Variants in ACVR1 observed in about 807,000 individuals in gnomAD.
ACVR1 encodes activin A receptor type 1, also known as activin receptor type-1.
Under a neutral mutation model 57.1 loss-of-function variants are expected in ACVR1, and 38 were observed. The ratio of observed to expected loss-of-function variants is 0.67; its 90% confidence interval spans 0.51 to 0.87. ACVR1 has a LOEUF of 0.87. Ranked by LOEUF, ACVR1 falls within the 40% of genes least tolerant of loss-of-function variation. The pLI is 0.00. For synonymous variants in ACVR1, 212 were observed against 228.1 expected (o/e 0.93, Z 0.63); for missense variants, 463 against 638.2 (o/e 0.73, Z 2.96).
At chr2:157,820,991 C>A (rs150099317) in intron 1 of ACVR1, among the ~76,000 whole-genome samples, 68 of 152,234 alleles carry the variant, frequency 4.5e-4, no homozygotes, top group African/African-American at 1.6e-3. Context: ...AAACCATGGA[C>A]TGAAATCAAA....
chr2:157,808,760 C>A (rs980354849), intron 2 of ACVR1, among the ~76,000 whole-genome samples: 6 of 152,030 alleles, frequency 3.9e-5, no homozygotes, highest in African/African-American at 1.5e-4. Context: ...ATTTGGAAAG[C>A]CATGCTTCCA....
At chr2:157,853,166 A>G (rs10497193) in intron 1 of ACVR1, among the ~76,000 whole-genome samples, 36,573 of 152,142 alleles carry the variant, frequency 0.24, 5,549 homozygotes, top group African/African-American at 0.44. Context: ...ACAATTACCC[A>G]AAAAATAAAT....
intron 9 of ACVR1, among the ~76,000 whole-genome samples, chr2:157,741,239 A>T (rs559073675): frequency 6.6e-6 from 1 of 152,274 alleles, no homozygotes; most frequent in South Asian, 2.1e-4. Context: ...GCAAAACTAT[A>T]TTAGAAATTC....
chr2:157,844,586 A>G (rs1360516749), intron 1 of ACVR1, among the ~76,000 whole-genome samples: 1 of 152,194 alleles, frequency 6.6e-6, no homozygotes, highest in South Asian at 2.1e-4. Flanking sequence ...TTTACTTGAC[A>G]CTTTTCATTT....
intron 4 of ACVR1, among the ~76,000 whole-genome samples, chr2:157,778,889 A>C (rs1686400928): frequency 6.6e-6 from 1 of 152,206 alleles, no homozygotes; most frequent in Non-Finnish European, 1.5e-5. Flanking sequence ...CCCTGGGTTC[A>C]GACCTCTCCA....
chr2:157,760,724 C>T (rs985840034), intron 9 of ACVR1, among the ~76,000 whole-genome samples, 156 bp downstream of exon 9: 8 of 152,180 alleles, frequency 5.3e-5, no homozygotes, highest in African/African-American at 1.9e-4. Context: ...CCATTACACT[C>T]CATCTACCAG....
chr2:157,773,554 T>C (rs1686151403), intron 6 of ACVR1, among the ~76,000 whole-genome samples: 2 of 152,250 alleles, frequency 1.3e-5, no homozygotes, highest in Non-Finnish European at 2.9e-5. Flanking sequence ...TGATTATGTC[T>C]ACATACAAAT....
intron 1 of ACVR1, among the ~76,000 whole-genome samples, chr2:157,868,730 C>T (rs989435582): frequency 6.6e-6 from 1 of 152,152 alleles, no homozygotes. Context: ...ATTCAGAGTT[C>T]TGCCACTAAT....
intron 9 of ACVR1, among the ~76,000 whole-genome samples, chr2:157,742,635 G>C (rs910936491): frequency 6.6e-6 from 1 of 152,032 alleles, no homozygotes; most frequent in Non-Finnish European, 1.5e-5. Context: ...ATATGGCTCT[G>C]AGTAAACCCC....
At chr2:157,805,896 T>G (rs894889020) in intron 2 of ACVR1, among the ~76,000 whole-genome samples, 1 of 144,152 alleles carries the variant, frequency 6.9e-6, no homozygotes, top group South Asian at 2.3e-4. Context: ...TAACCTCAGC[T>G]TACTGCAGCC....
chr2:157,837,691 C>T (rs1054503310), intron 1 of ACVR1, among the ~76,000 whole-genome samples: 3 of 152,110 alleles, frequency 2.0e-5, no homozygotes, highest in Non-Finnish European at 4.4e-5. Flanking sequence ...AACTACCAGC[C>T]AACTTCATTC....
intron 1 of ACVR1, among the ~76,000 whole-genome samples, chr2:157,853,463 G>A (rs184808996): frequency 6.6e-6 from 1 of 152,234 alleles, no homozygotes; most frequent in African/African-American, 2.4e-5. Context: ...ACCTCCCAAA[G>A]ACCTCATCTC....
At chr2:157,748,322 ACTTCCT>A (rs1685049599) in intron 9 of ACVR1, among the ~76,000 whole-genome samples, 1 of 152,164 alleles carries the variant, frequency 6.6e-6, no homozygotes, top group Non-Finnish European at 1.5e-5. Context: ...TGGAATGCCA[ACTTCCT>A]CTTCATTTGG....
At chr2:157,774,860 T>C (rs73022060) in intron 5 of ACVR1, among the ~76,000 whole-genome samples, 7,975 of 151,620 alleles carry the variant, frequency 0.053, 694 homozygotes, top group African/African-American at 0.18. Context: ...AGGAAAGCAG[T>C]AGAGAGAATA....
intron 1 of ACVR1, among the ~76,000 whole-genome samples, chr2:157,851,894 CA>C (rs879555943): frequency 0.53 from 20,463 of 38,524 alleles, 3,417 homozygotes; most frequent in East Asian, 0.62. Flanking sequence ...CACACACACA[CA>C]CACACACACA....
intron 3 of ACVR1, among the ~76,000 whole-genome samples, chr2:157,791,955 T>C (rs1686931659): frequency 1.3e-5 from 2 of 152,216 alleles, no homozygotes; most frequent in Non-Finnish European, 2.9e-5. Flanking sequence ...TTGGTAATTT[T>C]TTTTCTACCC....
chr2:157,758,206 T>G (rs1465597147), intron 9 of ACVR1, among the ~76,000 whole-genome samples: 1 of 151,910 alleles, frequency 6.6e-6, no homozygotes, highest in Non-Finnish European at 1.5e-5. Context: ...AAAACAGACA[T>G]TAAGCCAAAA....
chr2:157,740,723 A>G (rs1684721305), intron 9 of ACVR1, among the ~76,000 whole-genome samples: 1 of 152,228 alleles, frequency 6.6e-6, no homozygotes, highest in Non-Finnish European at 1.5e-5. Flanking sequence ...AAAACATGAG[A>G]TCTGGTGATA....
At chr2:157,854,199 TA>T (rs398060692) in intron 1 of ACVR1, among the ~76,000 whole-genome samples, 9,152 of 118,400 alleles carry the variant, frequency 0.077, 707 homozygotes, top group African/African-American at 0.22. Flanking sequence ...CCTAAAGGAG[TA>T]AAAAAAAAAA....
Sources: gnomAD v4.1 joint callset for allele counts (sites outside exome capture counted in the v4.1 genomes callset) on GRCh38, gnomAD v4.1.1 for gene constraint, MANE v1.5 for transcripts, NCBI Gene and HGNC (gene_info 2026-07-23, HGNC 2026-07-21) for gene names.